Variants in DIAPH3 observed in about 807,000 individuals in gnomAD.
DIAPH3 encodes diaphanous related formin 3.
Under a neutral mutation model 144.3 loss-of-function variants are expected in DIAPH3, and 117 were observed. The observed-to-expected ratio is 0.81, with a 90% CI of 0.70 to 0.95. DIAPH3 has a LOEUF of 0.95. Among genes scored for constraint, DIAPH3 ranks in the 40% least tolerant of loss-of-function variants. The pLI, the probability that DIAPH3 is intolerant of heterozygous loss-of-function variation, is 0.00. For missense variants in DIAPH3, 1,421 were observed against 1,412.7 expected, an observed-to-expected ratio of 1.01 and a Z score of -0.09; for synonymous variants, 519 against 488.9, an observed-to-expected ratio of 1.06 and a Z score of -0.81.
At chr13:60,103,325 G>C (rs2058325025) in intron 3 of DIAPH3, among the ~76,000 whole-genome samples, 1 of 151,984 alleles carries the variant, frequency 6.6e-6, no homozygotes, top group South Asian at 2.1e-4. Flanking sequence ...TTGCAAGACA[G>C]CATGCTCATT....
At chr13:59,820,490 T>C (rs1363322330) in intron 24 of DIAPH3, among the ~76,000 whole-genome samples, 1 of 151,984 alleles carries the variant, frequency 6.6e-6, no homozygotes, top group Non-Finnish European at 1.5e-5. Context: ...TTCCTGTGTT[T>C]TCTCCACGAA....
At chr13:59,892,557 ACT>A (rs2045871835) in intron 20 of DIAPH3, among the ~76,000 whole-genome samples, 1 of 151,868 alleles carries the variant, frequency 6.6e-6, no homozygotes, top group African/African-American at 2.4e-5. Flanking sequence ...GATATAAAAG[ACT>A]CTTTTTAAAA....
chr13:59,808,533 A>G (rs1847074353), intron 25 of DIAPH3, among the ~76,000 whole-genome samples: 1 of 152,144 alleles, frequency 6.6e-6, no homozygotes. Context: ...TATGCATCAA[A>G]AGTCTTAAAA....
intron 5 of DIAPH3, among the ~76,000 whole-genome samples, chr13:60,033,988 C>A (rs1015722458): frequency 3.9e-5 from 6 of 152,102 alleles, no homozygotes; most frequent in African/African-American, 1.4e-4. Flanking sequence ...TAAGGGAATA[C>A]CAAGATAAAC....
At chr13:59,983,539 C>T (rs1444910276) in intron 13 of DIAPH3, among the ~76,000 whole-genome samples, 1 of 151,554 alleles carries the variant, frequency 6.6e-6, no homozygotes, top group African/African-American at 2.4e-5. Context: ...GTGCCACTGC[C>T]TTGATTCATA....
At chr13:60,063,112 G>A (rs529861348) in intron 4 of DIAPH3, among the ~76,000 whole-genome samples, 3 of 152,272 alleles carry the variant, frequency 2.0e-5, no homozygotes, top group South Asian at 2.1e-4. Flanking sequence ...CATCACAAAT[G>A]CTACTTTATC....
chr13:59,898,020 G>C (rs1377952998), intron 20 of DIAPH3, among the ~76,000 whole-genome samples: 1 of 149,588 alleles, frequency 6.7e-6, no homozygotes, highest in African/African-American at 2.5e-5. Flanking sequence ...TGTAATCCTA[G>C]TTACTCGGGA....
At chr13:60,025,109 T>A (rs2054289031) in intron 5 of DIAPH3, among the ~76,000 whole-genome samples, 1 of 152,100 alleles carries the variant, frequency 6.6e-6, no homozygotes, top group South Asian at 2.1e-4. Flanking sequence ...GCCACATATT[T>A]TTTTCTGCGA....
chr13:59,823,784 C>T (rs1315245602), intron 24 of DIAPH3, among the ~76,000 whole-genome samples: 2 of 152,060 alleles, frequency 1.3e-5, no homozygotes, highest in African/African-American at 4.8e-5. Context: ...AATGATTTGG[C>T]AAAATGAGTT....
At chr13:59,827,241 A>G (rs868498371) in intron 24 of DIAPH3, among the ~76,000 whole-genome samples, 9 of 152,228 alleles carry the variant, frequency 5.9e-5, no homozygotes, top group Middle Eastern at 6.8e-3. Flanking sequence ...CAGAGTGAAC[A>G]GGCAACCTAC....
intron 4 of DIAPH3, 86 bp downstream of exon 4, chr13:60,093,542 A>G: frequency 1.1e-6 from 1 of 881,484 alleles, no homozygotes; most frequent in Non-Finnish European, 1.9e-6. Flanking sequence ...GTTGCCCACA[A>G]ACTTAAGTAC....
At chr13:60,149,914 T>G (rs1206306394) in intron 1 of DIAPH3, among the ~76,000 whole-genome samples, 1 of 152,018 alleles carries the variant, frequency 6.6e-6, no homozygotes, top group Admixed American at 6.6e-5. Context: ...TGGCAGGTGG[T>G]GGGGAGGGGG....
chr13:59,819,929 C>T (rs1320945286), intron 24 of DIAPH3, among the ~76,000 whole-genome samples: 1 of 151,690 alleles, frequency 6.6e-6, no homozygotes, highest in East Asian at 1.9e-4. Context: ...CAAAATAGTG[C>T]CTGCAATACA....
chr13:59,782,279 G>A (rs2038779392), intron 25 of DIAPH3, among the ~76,000 whole-genome samples: 1 of 152,164 alleles, frequency 6.6e-6, no homozygotes, highest in Non-Finnish European at 1.5e-5. Flanking sequence ...TAAAGGAAGA[G>A]GGGTAATCCA....
chr13:60,056,333 T>C (rs1246755401), intron 4 of DIAPH3, among the ~76,000 whole-genome samples: 1 of 151,488 alleles, frequency 6.6e-6, no homozygotes, highest in African/African-American at 2.4e-5. Context: ...GGGATACAGA[T>C]ACATAGACAT....
chr13:60,030,733 G>A (rs1370475360), intron 5 of DIAPH3, among the ~76,000 whole-genome samples: 1 of 152,174 alleles, frequency 6.6e-6, no homozygotes, highest in African/African-American at 2.4e-5. Flanking sequence ...CTCTAAAGAT[G>A]TGTTGTCCAA....
chr13:60,083,749 T>A (rs1046906173), intron 4 of DIAPH3, among the ~76,000 whole-genome samples: 1 of 151,990 alleles, frequency 6.6e-6, no homozygotes, highest in African/African-American at 2.4e-5. Context: ...AAAAAAATTT[T>A]AAATAAAGAC....
intron 17 of DIAPH3, among the ~76,000 whole-genome samples, chr13:59,952,075 T>G (rs966337350): frequency 5.3e-5 from 8 of 152,100 alleles, no homozygotes; most frequent in Non-Finnish European, 1.2e-4. Context: ...TATTCAACCA[T>G]TAAAAGAAAC....
chr13:59,728,880 T>C (rs1262378445), intron 27 of DIAPH3, among the ~76,000 whole-genome samples: 16 of 151,954 alleles, frequency 1.1e-4, no homozygotes, highest in Admixed American at 9.8e-4. Flanking sequence ...TTTACAAAGG[T>C]AGGATATATT....
Sources: gnomAD v4.1 joint callset for allele counts (sites outside exome capture counted in the v4.1 genomes callset) on GRCh38, gnomAD v4.1.1 for gene constraint, MANE v1.5 for transcripts, NCBI Gene and HGNC (gene_info 2026-07-23, HGNC 2026-07-21) for gene names.